The following ANO10 variants were observed in gnomAD, a reference collection of about 807,000 sequenced individuals.
The protein encoded by ANO10 is anoctamin-10.
A neutral mutation model predicts 74.7 loss-of-function variants in ANO10; 77 were observed. The ratio of observed to expected loss-of-function variants is 1.03; its 90% CI spans 0.86 to 1.25. The LOEUF is 1.25. ANO10 is among the 50% of genes most tolerant of loss of function. The pLI, the probability that ANO10 is intolerant of heterozygous loss-of-function variation, is 0.00. For synonymous variants in ANO10, 279 were observed against 284.9 expected, an observed-to-expected ratio of 0.98 and a Z score of 0.21; for missense variants, 721 against 778.1, an observed-to-expected ratio of 0.93 and a Z score of 0.87.
chr3:43,684,117 A>G (rs2084241320), intron 1 of ANO10, among the ~76,000 whole-genome samples: 1 of 152,182 alleles, frequency 6.6e-6, no homozygotes. Context: ...ACACAGCAAA[A>G]AAAACTACCA....
At chr3:43,536,742 T>A (rs1034229942) in intron 11 of ANO10, among the ~76,000 whole-genome samples, 6 of 152,120 alleles carry the variant, frequency 3.9e-5, no homozygotes, top group Non-Finnish European at 7.4e-5. Context: ...AATTTTAGAT[T>A]AACTGGTTTT....
chr3:43,517,551 G>A (rs867324812), intron 11 of ANO10, among the ~76,000 whole-genome samples: 2 of 152,102 alleles, frequency 1.3e-5, no homozygotes, highest in Non-Finnish European at 2.9e-5. Context: ...ATACCAGTGA[G>A]CTCACATACT....
chr3:43,478,420 G>A (rs1339474092), intron 11 of ANO10, among the ~76,000 whole-genome samples: 3 of 152,208 alleles, frequency 2.0e-5, no homozygotes, highest in Non-Finnish European at 4.4e-5. Context: ...TATAGATTAA[G>A]AAATTAAGGT....
At chr3:43,429,706 G>A (rs1209342120) in intron 12 of ANO10, among the ~76,000 whole-genome samples, 1 of 152,090 alleles carries the variant, frequency 6.6e-6, no homozygotes, top group African/African-American at 2.4e-5. Context: ...AAAAATGTAG[G>A]CAGTGTGTAT....
chr3:43,415,439 G>A (rs2092723638), intron 12 of ANO10, among the ~76,000 whole-genome samples: 1 of 151,946 alleles, frequency 6.6e-6, no homozygotes, highest in South Asian at 2.1e-4. Flanking sequence ...GCTCCTGGTG[G>A]ATTTTGATTA....
chr3:43,643,678 C>CTTTTTTTTTTTTTTTTTTTTTTTTTTTT lies in ANO10; in HGVS notation c.-11-37816_-11-37815insAAAAAAAAAAAAAAAAAAAAAAAAAAAA, dbSNP rs1310556861. 1.0e-4 allele frequency among the ~76,000 whole-genome samples: 14 copies of CTTTTTTTTTTTTTTTTTTTTTTTTTTTT among 133,624 alleles called. 1 individual carries two copies. Among genetic ancestry groups the CTTTTTTTTTTTTTTTTTTTTTTTTTTTT allele is most frequent in the African/African-American group, 4.0e-4 (13 of 32,126 alleles). The allele number at this position is 133,624 out of a possible 152,430, so 87.7% of individuals were successfully genotyped here. A position where few individuals can be genotyped will look rare whatever the true frequency, so the allele number is the denominator to read the frequency against. ...AAGCTTTTCATGTACTTGTCCTCAT[C>CTTTTTTTTTTTTTTTTTTTTTTTTTTTT]TTTTCTTTTTTTTTTTTTTTTTTTA... On this transcript the variant is annotated intron_variant, in intron 1 of 3. Transcript: ENST00000413397.
chr3:43,504,438 T>A lies in ANO10; in HGVS notation c.1797+45282A>T, dbSNP rs1382450116. Among the ~76,000 whole-genome samples, 6 of 152,076 alleles carry A rather than the reference T, an allele frequency of 3.9e-5. No individual in the cohort carries two copies. In the South Asian group the frequency reaches 1.2e-3, roughly 32 times the overall value. ...AGGCAAAGGAAAAGCATGAAATATC[T>A]CTGCTAAGAAATGTAAATAACAATT... On this transcript the variant is annotated intron_variant, in intron 11 of 12. Coordinates refer to ENST00000292246, the MANE Select transcript of ANO10 (RefSeq NM_018075.5).
intron 1 of ANO10, among the ~76,000 whole-genome samples, chr3:43,630,977 A>G (rs566046197): frequency 4.6e-5 from 7 of 152,056 alleles, no homozygotes; most frequent in South Asian, 4.1e-4. Context: ...TGCAAGAGGT[A>G]TATGTTAGTA....
At chr3:43,551,567 C>A (rs1467596048) in intron 10 of ANO10, 2 of 457,038 alleles carry the variant, frequency 4.4e-6, no homozygotes, top group Non-Finnish European at 8.8e-6. Context: ...CTCTTTACAC[C>A]TGTGTCCAAA....
In ANO10 at chr3:43,620,604, C is replaced by T. The variant is rs1435573029; in HGVS notation, c.-12+1305G>A. ...ACCAGCCTGGCCAACATGGTGGAAC[C>T]CCATCTCTACTAAAAACACAAAAAT... On this transcript the variant is annotated intron_variant, in intron 1 of 12. Transcript: ENST00000292246. 4.6e-5 allele frequency among the ~76,000 whole-genome samples: 7 copies of T among 152,030 alleles called. No homozygotes were observed. The East Asian group carries it at 9.6e-4, about 21-fold the overall frequency.
At chr3:43,552,697 G>GATATAT (rs57438732) in intron 10 of ANO10, among the ~76,000 whole-genome samples, 127 of 124,474 alleles carry the variant, frequency 1.0e-3, no homozygotes, top group Non-Finnish European at 1.4e-3. Flanking sequence ...ATTATCTCTG[G>GATATAT]ATATATATAT....
intron 11 of ANO10, among the ~76,000 whole-genome samples, chr3:43,530,458 T>C (rs1011351752): frequency 6.7e-6 from 1 of 149,410 alleles, no homozygotes; most frequent in African/African-American, 2.4e-5. Context: ...ATATGGTATA[T>C]ATAAACTATA....
chr3:43,684,686 G>A (rs2084250716), intron 1 of ANO10, among the ~76,000 whole-genome samples: 1 of 152,090 alleles, frequency 6.6e-6, no homozygotes, highest in Admixed American at 6.5e-5. Context: ...CAACCCAAAT[G>A]TTCAACAATG....
rs144840508 is a variant in ANO10, at chr3:43,593,548, C to T, written c.472+4984G>A. Among the ~76,000 whole-genome samples the T allele has an allele frequency of 5.3e-3, 807 of 152,254 alleles. 5 individuals carry two copies. Among genetic ancestry groups the T allele is most frequent in the African/African-American group, 0.017 (726 of 41,534 alleles). On this transcript the variant is annotated intron_variant, in intron 4 of 12. Transcript: ENST00000292246. ...AAGGACAAATAAAATACTTTACAGACGAGCAAATGCTGAAAGATTTTGTCA... is the reference window on the plus strand; with the variant it reads ...AAGGACAAATAAAATACTTTACAGATGAGCAAATGCTGAAAGATTTTGTCA...
chr3:43,441,191 C>A, intron 11 of ANO10, among the ~76,000 whole-genome samples: 2 of 144,312 alleles, frequency 1.4e-5, no homozygotes, highest in Non-Finnish European at 1.5e-5. Context: ...AAGATGAGAA[C>A]AAAAATAAAC....
chr3:43,541,135 T>C (rs1367037387), intron 11 of ANO10, among the ~76,000 whole-genome samples: 3 of 152,158 alleles, frequency 2.0e-5, no homozygotes, highest in Non-Finnish European at 2.9e-5. Flanking sequence ...TGCTCAACAA[T>C]GGGAAATGGT....
At chr3:43,556,681 T>G (rs1466374640) in intron 9 of ANO10, among the ~76,000 whole-genome samples, 1 of 152,204 alleles carries the variant, frequency 6.6e-6, no homozygotes, top group African/African-American at 2.4e-5. Context: ...CCCTATTCTC[T>G]CTTTTTGTTG....
intron 11 of ANO10, among the ~76,000 whole-genome samples, chr3:43,437,876 A>C (rs1345207414): frequency 4.7e-5 from 7 of 149,312 alleles, no homozygotes; most frequent in East Asian, 3.9e-4. Flanking sequence ...AAAAAAAAAA[A>C]CAAAAAAAAA....
At chr3:43,626,537 G>C (rs1377039334), upstream of ANO10, among the ~76,000 whole-genome samples, 2 of 151,744 alleles carry the variant, frequency 1.3e-5, no homozygotes, top group African/African-American at 4.8e-5. Flanking sequence ...CTGACCTCAA[G>C]TGATCTGCCC....
Sources: allele counts gnomAD v4.1 joint callset (sites outside exome capture counted in the v4.1 genomes callset), GRCh38; gene constraint gnomAD v4.1.1; transcripts MANE v1.5; gene names NCBI Gene and HGNC (gene_info 2026-07-23, HGNC 2026-07-21).